SURF4: variants seen among roughly 807,000 people sequenced by gnomAD.
The protein encoded by SURF4 is surfeit 4, also known as surfeit locus protein 4.
SURF4 carries 3 observed loss-of-function variants against 30.0 expected under a neutral mutation model. The ratio of observed to expected loss-of-function variants is 0.10; its 90% confidence interval spans 0.05 to 0.26. The LOEUF is 0.26. Among genes scored for constraint, SURF4 ranks in the 10% least tolerant of loss-of-function variants. The pLI, the probability that SURF4 is intolerant of heterozygous loss-of-function variation, is 1.00. For synonymous variants in SURF4, 143 were observed against 139.9 expected (o/e 1.02, Z -0.16); for missense variants, 217 against 350.8 (o/e 0.62, Z 3.05).
At chr9:133,375,729 G>A (rs1188039476) in intron 1 of SURF4, among the ~76,000 whole-genome samples, 193 bp downstream of exon 1, 2 of 152,228 alleles carry the variant, frequency 1.3e-5, no homozygotes, top group South Asian at 4.1e-4. Context: ...AGCGGGCAGG[G>A]GAGACTGGGC....
intron 1 of SURF4, among the ~76,000 whole-genome samples, chr9:133,370,093 C>T (rs1285122255): frequency 1.3e-5 from 2 of 152,234 alleles, no homozygotes; most frequent in African/African-American, 2.4e-5. Context: ...CCATGGGCTG[C>T]GGTCTAAGCC....
intron 3 of SURF4, 31 bp downstream of exon 3, chr9:133,366,568 G>A (rs2130127517): frequency 3.7e-6 from 6 of 1,611,780 alleles, no homozygotes; most frequent in South Asian, 3.3e-5. Context: ...AGAGCAAAGA[G>A]AAGGGAGCCC....
At chr9:133,364,564 C>T (rs1285105699) in intron 5 of SURF4, among the ~76,000 whole-genome samples, 3 of 151,966 alleles carry the variant, frequency 2.0e-5, no homozygotes, top group African/African-American at 4.8e-5. Context: ...TGTTGGCAGG[C>T]GCCTGTAGTC....
intron 5 of SURF4, among the ~76,000 whole-genome samples, chr9:133,364,489 G>A (rs2130103639): frequency 3.3e-5 from 5 of 152,104 alleles, no homozygotes; most frequent in Admixed American, 2.6e-4. Context: ...TCAGGAGATC[G>A]AGACCATCCT....
At chr9:133,371,256 A>G (rs1443324683) in intron 1 of SURF4, 1 of 420,388 alleles carries the variant, frequency 2.4e-6, no homozygotes, top group East Asian at 1.6e-4. Context: ...TGCCTTGTTC[A>G]AAGCCCAACT....
In SURF4 at chr9:133,366,696, TA is replaced by T. The variant is rs1401348407; in HGVS notation, c.236-22del. 7 of 1,611,802 alleles carry T rather than the reference TA, an allele frequency of 4.3e-6. No individual in the cohort carries two copies. In the African/African-American group the frequency reaches 8.0e-5, roughly 18 times the overall value. The stretch of plus-strand genomic sequence containing the variant: ...GCCAGCTGGAGAGAAGGACAAGGGT[TA>T]GGGGGCCTGAGGGTGGGTGCCGGCG... On this transcript the variant is annotated intron_variant, in intron 2 of 5. Coordinates refer to ENST00000371989, the MANE Select transcript of SURF4 (RefSeq NM_033161.4).
Position 133,376,013 on chromosome 9 carries a change from G to T in SURF4, c.-44C>A. On this transcript the variant is annotated 5_prime_UTR_variant, in exon 1 of 6. Coordinates refer to ENST00000371989, the MANE Select transcript of SURF4 (RefSeq NM_033161.4). ...GGCTCGGCTCGCTCGCTCGCTCGCTGGCTCTCGCCCGTCGGCGCCCGCACC... is the reference window on the plus strand; with the variant it reads ...GGCTCGGCTCGCTCGCTCGCTCGCTTGCTCTCGCCCGTCGGCGCCCGCACC... The T allele has an allele frequency of 8.2e-6, 10 of 1,219,284 alleles. No individual in the cohort carries two copies. Among genetic ancestry groups the T allele is most frequent in the Non-Finnish European group, 6.1e-6 (6 of 978,326 alleles). The allele number at this position is 1,219,284 out of a possible 1,614,324, so 75.5% of individuals were successfully genotyped here.
At chr9:133,364,662 G>A (rs1170177170) in intron 5 of SURF4, among the ~76,000 whole-genome samples, 178 bp downstream of exon 5, 1 of 150,520 alleles carries the variant, frequency 6.6e-6, no homozygotes. Flanking sequence ...CTGCACTCCA[G>A]CCTGGGGGAC....
At chr9:133,375,162 T>C (rs1837806946) in intron 1 of SURF4, 1 of 939,922 alleles carries the variant, frequency 1.1e-6, no homozygotes, top group Non-Finnish European at 1.3e-6. Flanking sequence ...TCGGATCCTG[T>C]CCACCCAGTT....
intron 1 of SURF4, chr9:133,375,224 T>C: frequency 1.0e-6 from 1 of 985,484 alleles, no homozygotes. Flanking sequence ...GCTTCCCTGT[T>C]GCTCAGAATG....
intron 5 of SURF4, 145 bp downstream of exon 5, chr9:133,364,695 A>C (rs2119123872): frequency 2.6e-6 from 2 of 774,016 alleles, no homozygotes; most frequent in East Asian, 2.8e-5. Context: ...CGTCTCAAAA[A>C]AAAAAAAAAA....
chr9:133,376,009 C>CGCTG lies in SURF4; in HGVS notation c.-44_-41dup. Reference sequence around the variant, plus strand: ...GCTCGGCTCGGCTCGCTCGCTCGCTCGCTGGCTCTCGCCCGTCGGCGCCCG... The same window carrying CGCTG: ...GCTCGGCTCGGCTCGCTCGCTCGCTCGCTGGCTGGCTCTCGCCCGTCGGCGCCCG... On this transcript the variant is annotated 5_prime_UTR_variant, in exon 1 of 6. Transcript: ENST00000371989. 2.5e-6 allele frequency: 3 copies of CGCTG among 1,219,742 alleles called. No individual in the cohort carries two copies. The highest frequency in any genetic ancestry group is 8.2e-5 in the South Asian group (2 of 24,352). The allele number at this position is 1,219,742 out of a possible 1,614,324, so 75.6% of individuals were successfully genotyped here.
upstream of SURF4, chr9:133,376,195 C>A: frequency 7.9e-7 from 1 of 1,271,070 alleles, no homozygotes; most frequent in Non-Finnish European, 9.9e-7. Flanking sequence ...CCCCAGCCTC[C>A]CGACCCATCC....
chr9:133,376,626 G>C, upstream of SURF4: 4 of 1,411,930 alleles, frequency 2.8e-6, no homozygotes, highest in South Asian at 5.4e-5. Flanking sequence ...CTGGAGCTAC[G>C]GCCGGCGGTT....
intron 3 of SURF4, 88 bp downstream of exon 3, chr9:133,366,511 G>C (rs2130126755): frequency 1.7e-5 from 24 of 1,416,152 alleles, no homozygotes; most frequent in Non-Finnish European, 2.4e-5. Context: ...TGAAGGGGGA[G>C]TGACACTGAA....
chr9:133,375,324 G>C (rs1383465655), intron 1 of SURF4: 1 of 984,606 alleles, frequency 1.0e-6, no homozygotes, highest in Non-Finnish European at 1.2e-6. Flanking sequence ...ATCCAGCCCA[G>C]GGCAGAGTCC....
rs1210766334 is a variant in SURF4 at position 133,361,782 on chromosome 9, C to T, written c.*1711G>A. 2 of 152,394 alleles carry T rather than the reference C, an allele frequency of 1.3e-5. No homozygotes were observed. The highest frequency in any genetic ancestry group is 2.9e-5 in the Non-Finnish European group (2 of 68,232). The allele number at this position is 152,394 out of a possible 1,614,324, so 9.4% of individuals were successfully genotyped here. On this transcript the variant is annotated 3_prime_UTR_variant, in exon 6 of 6. Coordinates refer to ENST00000371989, the MANE Select transcript of SURF4 (RefSeq NM_033161.4). ...GCCTCCTTTGGTCCACCCTACTTTC[C>T]ACCAATCAGCCAACCAACCTTGACC...
upstream of SURF4, chr9:133,376,226 C>T (rs1837931290): frequency 4.7e-6 from 6 of 1,284,350 alleles, no homozygotes; most frequent in Non-Finnish European, 5.9e-6. Flanking sequence ...ACGCCCGCCG[C>T]GCTCGACGCC....
chr9:133,365,497 T>G (rs977548734), intron 4 of SURF4, among the ~76,000 whole-genome samples: 1 of 152,202 alleles, frequency 6.6e-6, no homozygotes, highest in African/African-American at 2.4e-5. Context: ...ATCTTTTGGC[T>G]TCCCTGGGCT....
Sources: allele counts gnomAD v4.1 joint callset (sites outside exome capture counted in the v4.1 genomes callset), GRCh38; gene constraint gnomAD v4.1.1; transcripts MANE v1.5; gene names NCBI Gene and HGNC (gene_info 2026-07-23, HGNC 2026-07-21).